LYPLAL1: variants seen among roughly 807,000 people sequenced by gnomAD.
LYPLAL1 encodes lysophospholipase-like protein 1.
Under a neutral mutation model 19.7 loss-of-function variants are expected in LYPLAL1, and 23 were observed. The ratio of observed to expected loss-of-function variants is 1.17; its 90% CI spans 0.84 to 1.65. LYPLAL1 has a LOEUF of 1.65. LYPLAL1 is among the 40% of genes most tolerant of loss of function. LYPLAL1 has a pLI of 0.00. For synonymous variants in LYPLAL1, 119 were observed against 96.3 expected (o/e 1.24, Z -1.38); for missense variants, 355 against 279.4 (o/e 1.27, Z -1.93).
the LYPLAL1 span, among the ~76,000 whole-genome samples, chr1:219,412,476 TCA>T: frequency 6.6e-6 from 1 of 152,200 alleles, no homozygotes; most frequent in African/African-American, 2.4e-5. Context: ...AGTGTGTACC[TCA>T]CAGTTTATAA....
At chr1:219,290,717 G>C in the LYPLAL1 span, among the ~76,000 whole-genome samples, 1 of 152,050 alleles carries the variant, frequency 6.6e-6, no homozygotes, top group Non-Finnish European at 1.5e-5. Flanking sequence ...CTTTCATTTT[G>C]CACTGTGGAC....
intron 3 of LYPLAL1, among the ~76,000 whole-genome samples, chr1:219,196,679 T>C (rs1053292982): frequency 7.9e-5 from 12 of 152,138 alleles, no homozygotes; most frequent in Non-Finnish European, 1.6e-4. Context: ...ATAAAAAGTG[T>C]GTTCAAATAG....
At chr1:219,222,400 A>T in the LYPLAL1 span, 1 of 152,090 alleles carries the variant, frequency 6.6e-6, no homozygotes, top group Non-Finnish European at 1.5e-5. Context: ...TTTGTTTCCC[A>T]TGGGAAATTG....
At chr1:219,332,696 TG>T in the LYPLAL1 span, among the ~76,000 whole-genome samples, 2 of 152,030 alleles carry the variant, frequency 1.3e-5, no homozygotes, top group Non-Finnish European at 2.9e-5. Context: ...TTCTTATTAC[TG>T]CATGAGTTTG....
At chr1:219,441,936 G>T in the LYPLAL1 span, among the ~76,000 whole-genome samples, 1 of 152,218 alleles carries the variant, frequency 6.6e-6, no homozygotes, top group East Asian at 1.9e-4. Context: ...CCACTGCAAA[G>T]AATCAAAATG....
At chr1:219,345,468 C>T in the LYPLAL1 span, among the ~76,000 whole-genome samples, 1 of 152,124 alleles carries the variant, frequency 6.6e-6, no homozygotes, top group East Asian at 1.9e-4. Flanking sequence ...GTTTTGGATT[C>T]ATGAATTAAC....
chr1:219,210,974 T>C (rs1658988475), intron 4 of LYPLAL1, among the ~76,000 whole-genome samples: 1 of 152,138 alleles, frequency 6.6e-6, no homozygotes, highest in Non-Finnish European at 1.5e-5. Context: ...GGTTTGCTTA[T>C]TGCATCATGA....
the LYPLAL1 span, among the ~76,000 whole-genome samples, chr1:219,395,971 C>G: frequency 6.6e-6 from 1 of 151,846 alleles, no homozygotes; most frequent in Non-Finnish European, 1.5e-5. Context: ...GGCATGGTGG[C>G]GGGCACCTGT....
the LYPLAL1 span, among the ~76,000 whole-genome samples, chr1:219,422,286 T>G: frequency 6.6e-6 from 1 of 152,236 alleles, no homozygotes; most frequent in Non-Finnish European, 1.5e-5. Context: ...CCAATAAAAC[T>G]TTATCTACAT....
chr1:219,318,011 G>A, the LYPLAL1 span, among the ~76,000 whole-genome samples: 1 of 152,162 alleles, frequency 6.6e-6, no homozygotes, highest in East Asian at 1.9e-4. Context: ...CTTCACTCTT[G>A]GGTGTTCAAG....
the LYPLAL1 span, among the ~76,000 whole-genome samples, chr1:219,302,837 G>C: frequency 6.6e-6 from 1 of 151,976 alleles, no homozygotes; most frequent in East Asian, 1.9e-4. Flanking sequence ...GGTCATTCCA[G>C]CTCACAGGAA....
chr1:219,340,223 A>G, the LYPLAL1 span, among the ~76,000 whole-genome samples: 1 of 152,062 alleles, frequency 6.6e-6, no homozygotes, highest in Non-Finnish European at 1.5e-5. Flanking sequence ...AGAAGTTATA[A>G]TGTTCAGTTT....
the LYPLAL1 span, among the ~76,000 whole-genome samples, chr1:219,260,801 G>T: frequency 2.0e-5 from 3 of 151,448 alleles, no homozygotes; most frequent in African/African-American, 7.3e-5. Flanking sequence ...AATATTTGCA[G>T]AAAGCCATTC....
the LYPLAL1 span, among the ~76,000 whole-genome samples, chr1:219,444,514 C>T: frequency 6.6e-6 from 1 of 152,158 alleles, no homozygotes; most frequent in Admixed American, 6.5e-5. Context: ...AAAATAAAAG[C>T]AAATGCCATA....
the LYPLAL1 span, among the ~76,000 whole-genome samples, chr1:219,439,154 C>G: frequency 6.6e-6 from 1 of 152,198 alleles, no homozygotes. Flanking sequence ...CTGACAAACT[C>G]ATACTCCTGT....
chr1:219,407,496 A>G, the LYPLAL1 span, among the ~76,000 whole-genome samples: 5 of 152,230 alleles, frequency 3.3e-5, no homozygotes, highest in African/African-American at 4.8e-5. Flanking sequence ...AATGTTATCA[A>G]TGAATAGTAA....
chr1:219,291,621 T>C, the LYPLAL1 span, among the ~76,000 whole-genome samples: 3 of 152,324 alleles, frequency 2.0e-5, no homozygotes, highest in African/African-American at 7.2e-5. Context: ...TACAGTCATA[T>C]GTCCCCGATT....
chr1:219,311,645 A>G, the LYPLAL1 span, among the ~76,000 whole-genome samples: 1 of 152,068 alleles, frequency 6.6e-6, no homozygotes, highest in South Asian at 2.1e-4. Context: ...CAGATTTTAA[A>G]CAAGATAAAA....
the LYPLAL1 span, among the ~76,000 whole-genome samples, chr1:219,422,007 A>T: frequency 6.6e-6 from 1 of 152,194 alleles, no homozygotes; most frequent in Admixed American, 6.5e-5. Context: ...CTGTCCTTCC[A>T]AAAGTGGTCA....
Sources: gnomAD v4.1 joint callset for allele counts (sites outside exome capture counted in the v4.1 genomes callset) on GRCh38, gnomAD v4.1.1 for gene constraint, MANE v1.5 for transcripts, NCBI Gene and HGNC (gene_info 2026-07-23, HGNC 2026-07-21) for gene names.